Variants in WDFY3 observed in about 807,000 individuals in gnomAD.
WDFY3 encodes the protein WD repeat and FYVE domain containing 3.
WDFY3 carries 66 observed loss-of-function variants against 409.6 expected under a neutral mutation model. The observed-to-expected ratio is 0.16, with a 90% CI of 0.13 to 0.20. WDFY3 has a LOEUF of 0.20. Among genes scored for constraint, WDFY3 ranks in the 10% least tolerant of loss-of-function variants. The pLI is 1.00. For missense variants in WDFY3, 3,031 were observed against 4,298.1 expected (o/e 0.71, Z 8.24); for synonymous variants, 1,521 against 1,537.1 (o/e 0.99, Z 0.25).
chr4:84,669,612 A>G lies in WDFY3; in HGVS notation c.*3256T>C, dbSNP rs1725174486. On this transcript the variant is annotated 3_prime_UTR_variant, in exon 68 of 68. Coordinates refer to ENST00000295888, the MANE Select transcript of WDFY3 (RefSeq NM_014991.6). The stretch of plus-strand genomic sequence containing the variant: ...ATTACTTAAGTACCTGGACTATTGC[A>G]TTTAATCATGTATTGTAATTGTGTT... 6.7e-6 allele frequency: 1 copy of G among 150,278 alleles called. No individual in the cohort carries two copies. The highest frequency in any genetic ancestry group is 1.5e-5 in the Non-Finnish European group (1 of 67,578). 9.3% of individuals were successfully genotyped at this position (150,278 alleles called of 1,614,324 possible).
chr4:84,676,085 A>G (rs543798427), intron 67 of WDFY3, among the ~76,000 whole-genome samples: 2 of 152,352 alleles, frequency 1.3e-5, no homozygotes, highest in South Asian at 4.1e-4. Context: ...GACTACAACC[A>G]GTTTAAAAAC....
intron 3 of WDFY3, among the ~76,000 whole-genome samples, chr4:84,867,838 A>G (rs2150280244): frequency 6.6e-6 from 1 of 152,362 alleles, no homozygotes; most frequent in Non-Finnish European, 1.5e-5. Flanking sequence ...ATGTAAGCTC[A>G]TATGGCTAAG....
At position 84,849,839 on chromosome 4, in the gene WDFY3, G is replaced by A. The variant is rs1758636654; in HGVS notation, c.304+63C>T. On this transcript the variant is annotated intron_variant, in intron 5 of 67. Transcript: ENST00000295888. ...TCTGTTTTCCATTTAATTTTAATGG[G>A]ACTTTTACAGAACTGCTTGTTCATT... 5 of 1,587,104 alleles carry A rather than the reference G, an allele frequency of 3.2e-6. No homozygotes were observed. The South Asian group carries it at 4.6e-5, about 15-fold the overall frequency.
intron 53 of WDFY3, among the ~76,000 whole-genome samples, chr4:84,705,960 T>C (rs1469508040): frequency 6.6e-6 from 1 of 151,520 alleles, no homozygotes; most frequent in Non-Finnish European, 1.5e-5. Flanking sequence ...CCTCCAACGT[T>C]ACTTCTGAGC....
rs771971631 is a variant in WDFY3, at chr4:84,796,664, C to G, written c.3024G>C (p.Leu1008=). 1.2e-5 allele frequency: 19 copies of G among 1,614,144 alleles called. No individual in the cohort carries two copies. Among genetic ancestry groups the G allele is most frequent in the Non-Finnish European group, 1.5e-5 (18 of 1,179,998 alleles). The part of the protein sequence containing the change: ...EDNHYRISKS[L]VKSAEGSTVP... ...CAGTACTTCCTTCCGCAGATTTTAC[C>G]AGGCTCTTGCTTATCCGGTAATGGT... The change falls in exon 19 of 68, where the codon CTG becomes CTC. Residue 1008 remains leucine (L), a synonymous_variant. Transcript: ENST00000295888.
intron 56 of WDFY3, among the ~76,000 whole-genome samples, chr4:84,697,110 T>C (rs891963986): frequency 2.0e-5 from 3 of 152,220 alleles, no homozygotes; most frequent in Admixed American, 2.0e-4. Flanking sequence ...CTGCAGAGTC[T>C]TGAGCGCAGG....
chr4:84,758,164 T>A lies in WDFY3; in HGVS notation c.5189-1003A>T, dbSNP rs142060612. ...CAGTGAATGTTTGTCAAATTTTCAATGGAAACTTTTGTGAATAGCAACTAA... is the reference window on the plus strand; with the variant it reads ...CAGTGAATGTTTGTCAAATTTTCAAAGGAAACTTTTGTGAATAGCAACTAA... On this transcript the variant is annotated intron_variant, in intron 32 of 67. Transcript: ENST00000295888. Among the ~76,000 whole-genome samples, 104 of 152,358 alleles carry A rather than the reference T, an allele frequency of 6.8e-4. No individual in the cohort carries two copies. The East Asian group carries it at 0.019, about 28-fold the overall frequency.
At chr4:84,875,263 A>AACACACACACAAAC (rs1762622086) in intron 3 of WDFY3, among the ~76,000 whole-genome samples, 3 of 137,484 alleles carry the variant, frequency 2.2e-5, no homozygotes, top group Non-Finnish European at 4.7e-5. Flanking sequence ...GCAAGACTCA[A>AACACACACACAAAC]ACACACACAC....
chr4:84,952,657 AT>A (rs1362506910), intron 1 of WDFY3, among the ~76,000 whole-genome samples: 1 of 152,070 alleles, frequency 6.6e-6, no homozygotes, highest in Non-Finnish European at 1.5e-5. Flanking sequence ...ACATCAAGAA[AT>A]TTTTTTCGAT....
intron 4 of WDFY3, among the ~76,000 whole-genome samples, chr4:84,857,244 A>G (rs899419959): frequency 3.3e-5 from 5 of 152,178 alleles, no homozygotes; most frequent in African/African-American, 1.2e-4. Context: ...ACATAAGATA[A>G]CTAAGTCAAA....
chr4:84,944,827 A>T (rs758348862), intron 1 of WDFY3, among the ~76,000 whole-genome samples: 1 of 152,094 alleles, frequency 6.6e-6, no homozygotes, highest in South Asian at 2.1e-4. Context: ...TAAATAATAC[A>T]TATAGTCACT....
At position 84,672,824 on chromosome 4, in the gene WDFY3, G is replaced by A. The variant is rs1725625035; in HGVS notation, c.*44C>T. 1.2e-6 allele frequency: 2 copies of A among 1,606,632 alleles called. No individual in the cohort carries two copies. Among genetic ancestry groups the A allele is most frequent in the African/African-American group, 1.3e-5 (1 of 74,508 alleles). Reference sequence around the variant, plus strand: ...TTCCAAGCTGGGACAGGAGAATCGGGAAGGGGTCTACAGACCATGGTCTCC... The same window carrying A: ...TTCCAAGCTGGGACAGGAGAATCGGAAAGGGGTCTACAGACCATGGTCTCC... On this transcript the variant is annotated 3_prime_UTR_variant, in exon 68 of 68. Transcript: ENST00000295888.
chr4:84,916,758 T>C (rs1432428868), intron 2 of WDFY3, among the ~76,000 whole-genome samples: 1 of 152,184 alleles, frequency 6.6e-6, no homozygotes, highest in Non-Finnish European at 1.5e-5. Flanking sequence ...TCTATGGAAG[T>C]TATCAAATGA....
intron 3 of WDFY3, among the ~76,000 whole-genome samples, chr4:84,864,889 TC>T (rs1761155746): frequency 6.7e-6 from 1 of 150,252 alleles, no homozygotes; most frequent in African/African-American, 2.5e-5. Flanking sequence ...AATACATAAA[TC>T]TTTTTTTTTT....
chr4:84,676,348 GA>G (rs1324768032), intron 67 of WDFY3, among the ~76,000 whole-genome samples: 1 of 152,178 alleles, frequency 6.6e-6, no homozygotes, highest in Non-Finnish European at 1.5e-5. Flanking sequence ...GGCAAAAGTG[GA>G]AAAAGTCTGG....
At chr4:84,684,383 C>T (rs764577058) in intron 62 of WDFY3, among the ~76,000 whole-genome samples, 11 of 152,178 alleles carry the variant, frequency 7.2e-5, no homozygotes, top group Non-Finnish European at 4.4e-5. Flanking sequence ...GGCAGGTCCA[C>T]GTCCCTGGCA....
At chr4:84,675,691 A>T (rs550233184) in intron 67 of WDFY3, among the ~76,000 whole-genome samples, 1 of 152,308 alleles carries the variant, frequency 6.6e-6, no homozygotes, top group South Asian at 2.1e-4. Context: ...ACTCATAATT[A>T]CACAAGTTGA....
chr4:84,775,753 G>T (rs139111729), intron 27 of WDFY3, among the ~76,000 whole-genome samples: 73 of 151,608 alleles, frequency 4.8e-4, no homozygotes, highest in African/African-American at 1.6e-3. Context: ...CAAACTCACA[G>T]ATCAATAAAC....
chr4:84,688,857 A>G (rs2148834164), intron 61 of WDFY3, among the ~76,000 whole-genome samples: 1 of 152,288 alleles, frequency 6.6e-6, no homozygotes, highest in African/African-American at 2.4e-5. Context: ...TGTGCCTGAG[A>G]GGAATTCTTT....
Sources: allele counts gnomAD v4.1 joint callset (sites outside exome capture counted in the v4.1 genomes callset), GRCh38; gene constraint gnomAD v4.1.1; transcripts MANE v1.5; gene names NCBI Gene and HGNC (gene_info 2026-07-23, HGNC 2026-07-21).